The following UGT2B7 variants were observed in gnomAD, a reference collection of about 807,000 sequenced individuals.
UGT2B7 encodes the protein UDP glucuronosyltransferase family 2 member B7.
UGT2B7 carries 51 observed loss-of-function variants against 51.9 expected under a neutral mutation model. The observed-to-expected ratio is 0.98, with a 90% CI of 0.78 to 1.24. UGT2B7 has a LOEUF of 1.24. Among genes scored for constraint, UGT2B7 ranks in the 50% most tolerant of loss-of-function variants. The pLI is 0.00. For synonymous variants in UGT2B7, 225 were observed against 211.6 expected (o/e 1.06, Z -0.55); for missense variants, 727 against 628.4 (o/e 1.16, Z -1.68).
chr4:69,087,060 TTCTCTCTCTCTCTCTCTG>T (rs1165458729), intron 1 of UGT2B7, among the ~76,000 whole-genome samples: 34 of 148,764 alleles, frequency 2.3e-4, no homozygotes, highest in African/African-American at 8.3e-4. Flanking sequence ...CTGTCTCTCT[TTCTCTCTCTCTCTCTCTG>T]TCTCTCTCTC....
intron 2 of UGT2B7, among the ~76,000 whole-genome samples, 177 bp downstream of exon 2, chr4:69,098,865 T>A (rs1719334313): frequency 6.6e-6 from 1 of 151,764 alleles, no homozygotes; most frequent in African/African-American, 2.4e-5. Context: ...CGTATATGAG[T>A]TTTATGAGTA....
At chr4:69,075,349 T>TTTG (rs1718680052) in intron 1 of UGT2B7, among the ~76,000 whole-genome samples, 1 of 152,154 alleles carries the variant, frequency 6.6e-6, no homozygotes, top group Admixed American at 6.6e-5. Context: ...TCTGTCTCTG[T>TTTG]TCGTCTGTCT....
upstream of UGT2B7, among the ~76,000 whole-genome samples, chr4:69,093,916 C>T (rs911247952): frequency 6.6e-6 from 1 of 152,172 alleles, no homozygotes; most frequent in East Asian, 1.9e-4. Flanking sequence ...TTACTCACCC[C>T]TTCTGTTCAT....
intron 1 of UGT2B7, among the ~76,000 whole-genome samples, chr4:69,076,771 A>G (rs1016743377): frequency 6.6e-6 from 1 of 152,182 alleles, no homozygotes; most frequent in Non-Finnish European, 1.5e-5. Context: ...TGCTGTGCAG[A>G]AGCTCTTTAG....
At chr4:69,070,002 G>A (rs1302933761) in intron 1 of UGT2B7, 1 of 151,858 alleles carries the variant, frequency 6.6e-6, no homozygotes, top group Non-Finnish European at 1.5e-5. Flanking sequence ...CAAGACCTGT[G>A]CCTTCTTGAT....
chr4:69,092,796 T>A (rs1346230777), upstream of UGT2B7, among the ~76,000 whole-genome samples: 1 of 151,808 alleles, frequency 6.6e-6, no homozygotes, highest in African/African-American at 2.4e-5. Flanking sequence ...TATATAGCTA[T>A]CCTACATGCA....
At chr4:69,094,855 G>C (rs899484621), upstream of UGT2B7, among the ~76,000 whole-genome samples, 1 of 152,168 alleles carries the variant, frequency 6.6e-6, no homozygotes, top group African/African-American at 2.4e-5. Context: ...TATAAAGTAA[G>C]TTTAAGTAAT....
intron 3 of UGT2B7, 23 bp from the exon 4 acceptor site, chr4:69,107,152 A>C (rs1719624506): frequency 6.2e-7 from 1 of 1,601,384 alleles, no homozygotes; most frequent in Non-Finnish European, 8.5e-7. Context: ...TCATGGAATA[A>C]AATATTTTCT....
intron 3 of UGT2B7, among the ~76,000 whole-genome samples, chr4:69,104,667 T>C (rs1011414888): frequency 3.9e-5 from 6 of 152,136 alleles, no homozygotes; most frequent in African/African-American, 1.4e-4. Flanking sequence ...AGGTGAAGTT[T>C]TGGTATTGCC....
chr4:69,054,665 T>C (rs1300121352), intron 1 of UGT2B7, among the ~76,000 whole-genome samples: 2 of 150,226 alleles, frequency 1.3e-5, no homozygotes, highest in East Asian at 3.9e-4. Context: ...GACTAGGAGT[T>C]GTATGTAGAT....
Position 69,096,520 on chromosome 4 carries a change from G to T in UGT2B7, c.-1G>T, listed in dbSNP as rs1425556890. ...GAAAACAAGCATTGCATTGCACCAG[G>T]ATGTCTGTGAAATGGACTTCAGTAA... On this transcript the variant is annotated 5_prime_UTR_variant, in exon 1 of 6. Coordinates refer to ENST00000305231, the MANE Select transcript of UGT2B7 (RefSeq NM_001074.4). 1 of 1,613,828 alleles carries T rather than the reference G, an allele frequency of 6.2e-7. No individual in the cohort carries two copies. The highest frequency in any genetic ancestry group is 8.5e-7 in the Non-Finnish European group (1 of 1,179,776).
At chr4:69,064,158 A>G (rs1718438049) in intron 1 of UGT2B7, among the ~76,000 whole-genome samples, 2 of 152,092 alleles carry the variant, frequency 1.3e-5, no homozygotes. Context: ...TAAAAAGAGA[A>G]ATAAGCTTTC....
intron 1 of UGT2B7, among the ~76,000 whole-genome samples, chr4:69,097,994 ATAT>A (rs979748468): frequency 7.2e-5 from 11 of 152,004 alleles, no homozygotes; most frequent in African/African-American, 2.2e-4. Flanking sequence ...TTACTTAAAA[ATAT>A]TATTAAGATC....
rs143693621 is a variant in UGT2B7 at position 69,074,427 on chromosome 4, AAT to A, written c.-158-15027_-158-15026del. Among the ~76,000 whole-genome samples, 72 of 116,038 alleles carry A rather than the reference AAT, an allele frequency of 6.2e-4. 1 individual carries two copies. The highest frequency in any genetic ancestry group is 1.7e-3 in the African/African-American group (50 of 30,180). The allele number at this position is 116,038 out of a possible 152,430, so 76.1% of individuals were successfully genotyped here. A position where few individuals can be genotyped will look rare whatever the true frequency, so the allele number is the denominator to read the frequency against. ...GACGATGGAATAACACCTTATCTTA[AAT>A]ATATATATATATATATAAATTAAAA... is the stretch of plus-strand genomic sequence containing the variant. On this transcript the variant is annotated intron_variant, in intron 1 of 5. Transcript: ENST00000502942.
chr4:69,064,462 A>G (rs1718445241), intron 1 of UGT2B7, among the ~76,000 whole-genome samples: 1 of 152,242 alleles, frequency 6.6e-6, no homozygotes, highest in South Asian at 2.1e-4. Flanking sequence ...CTGTCTGGGC[A>G]CCTAGTGAAG....
intron 2 of UGT2B7, among the ~76,000 whole-genome samples, chr4:69,102,554 C>T (rs1441815708): frequency 6.6e-6 from 1 of 152,022 alleles, no homozygotes; most frequent in Non-Finnish European, 1.5e-5. Flanking sequence ...TTCTTTTCTC[C>T]CTTACACACA....
chr4:69,082,677 T>A (rs568912188), intron 1 of UGT2B7, among the ~76,000 whole-genome samples: 1 of 151,994 alleles, frequency 6.6e-6, no homozygotes, highest in African/African-American at 2.4e-5. Context: ...GAGAAAAAAA[T>A]AAATCTATCT....
In UGT2B7 at chr4:69,071,266, C is replaced by A. The variant is rs561386631; in HGVS notation, c.-158-18206C>A. Reference sequence around the variant, plus strand: ...CCTCACCTTGTCAAGTATGATATTTCCAACCACTTTAATATCTGGAATACT... The same window carrying A: ...CCTCACCTTGTCAAGTATGATATTTACAACCACTTTAATATCTGGAATACT... On this transcript the variant is annotated intron_variant, in intron 1 of 5. Coordinates refer to the UGT2B7 transcript ENST00000502942. Among the ~76,000 whole-genome samples, 28 of 152,120 alleles carry A rather than the reference C, an allele frequency of 1.8e-4. No homozygotes were observed. In the South Asian group the frequency reaches 5.8e-3, roughly 32 times the overall value.
chr4:69,103,288 G>T (rs7439152), intron 3 of UGT2B7, among the ~76,000 whole-genome samples: 89,949 of 151,804 alleles, frequency 0.59, 28,015 homozygotes, highest in African/African-American at 0.77. Context: ...ACTCTTCATA[G>T]CTGAATATAG....
Sources: gnomAD v4.1 joint callset for allele counts (sites outside exome capture counted in the v4.1 genomes callset) on GRCh38, gnomAD v4.1.1 for gene constraint, MANE v1.5 for transcripts, NCBI Gene and HGNC (gene_info 2026-07-23, HGNC 2026-07-21) for gene names.